FREM2: variants seen among roughly 807,000 people sequenced by gnomAD.
The protein encoded by FREM2 is FRAS1-related extracellular matrix protein 2.
FREM2 carries 119 observed loss-of-function variants against 219.9 expected under a neutral mutation model. The ratio of observed to expected loss-of-function variants is 0.54; its 90% CI spans 0.47 to 0.63. The LOEUF (loss-of-function observed/expected upper bound fraction) is 0.63, where lower values mean the gene tolerates loss of function less well. FREM2 is among the 30% of genes least tolerant of loss of function. The pLI, the probability that FREM2 is intolerant of heterozygous loss-of-function variation, is 0.00. For synonymous variants in FREM2, 1,562 were observed against 1,522.8 expected, an observed-to-expected ratio of 1.03 and a Z score of -0.60; for missense variants, 4,030 against 3,993.6, an observed-to-expected ratio of 1.01 and a Z score of -0.25.
intron 16 of FREM2, among the ~76,000 whole-genome samples, chr13:38,866,623 C>T (rs988797636): frequency 4.7e-5 from 7 of 150,280 alleles, no homozygotes; most frequent in African/African-American, 1.7e-4. Flanking sequence ...GCCGAGATCG[C>T]GCCATTGCAC....
At chr13:38,770,804 A>G (rs1873631241) in intron 4 of FREM2, among the ~76,000 whole-genome samples, 1 of 151,930 alleles carries the variant, frequency 6.6e-6, no homozygotes, top group South Asian at 2.1e-4. Context: ...TGACCTTTTT[A>G]TTCCCCGTCA....
intron 2 of FREM2, among the ~76,000 whole-genome samples, chr13:38,707,354 A>G (rs1047884156): frequency 1.3e-5 from 2 of 152,246 alleles, no homozygotes; most frequent in Non-Finnish European, 2.9e-5. Flanking sequence ...GAATAAAATT[A>G]TATAGCTATA....
Position 38,851,816 on chromosome 13 carries a change from C to T in FREM2, c.6873C>T (p.His2291=). 6.2e-7 allele frequency: 1 copy of T among 1,613,986 alleles called. No individual in the cohort carries two copies. The highest frequency in any genetic ancestry group is 8.5e-7 in the Non-Finnish European group (1 of 1,179,928). Residue 2291 remains histidine (H), a synonymous_variant, in exon 11 of 24, where the codon CAC becomes CAT. Coordinates refer to ENST00000280481, the MANE Select transcript of FREM2 (RefSeq NM_207361.6). ...CAAAGGTTTCCATTGTGAGAGTCCACACCAAGGATGGCTCGGCCACCTCTG... is the reference window on the plus strand; with the variant it reads ...CAAAGGTTTCCATTGTGAGAGTCCATACCAAGGATGGCTCGGCCACCTCTG... The part of the protein sequence containing the change: ...DTSKVSIVRV[H]TKDGSATSGE...
chr13:38,808,884 T>TA (rs1354757575), intron 6 of FREM2, among the ~76,000 whole-genome samples: 1 of 151,764 alleles, frequency 6.6e-6, no homozygotes, highest in East Asian at 2.0e-4. Flanking sequence ...ATGTTAAAAA[T>TA]AAAAACCCAA....
chr13:38,732,541 C>T (rs530045328), intron 2 of FREM2, among the ~76,000 whole-genome samples: 2 of 152,274 alleles, frequency 1.3e-5, no homozygotes, highest in South Asian at 4.1e-4. Context: ...GATTCAAAAT[C>T]AGCAAGATGT....
chr13:38,817,047 G>T (rs1875794824), intron 6 of FREM2, among the ~76,000 whole-genome samples: 1 of 152,006 alleles, frequency 6.6e-6, no homozygotes, highest in Non-Finnish European at 1.5e-5. Context: ...ATAAAACTTT[G>T]ATGAAAGAAA....
chr13:38,739,789 G>C (rs1593376833), intron 2 of FREM2, among the ~76,000 whole-genome samples: 1 of 152,134 alleles, frequency 6.6e-6, no homozygotes, highest in Middle Eastern at 3.2e-3. Context: ...GTATTGTTTG[G>C]TTATATAGTG....
intron 6 of FREM2, among the ~76,000 whole-genome samples, chr13:38,810,142 G>A (rs1213838834): frequency 6.6e-6 from 1 of 151,822 alleles, no homozygotes; most frequent in African/African-American, 2.4e-5. Context: ...TTGACATATA[G>A]GAATGCTATT....
At chr13:38,711,656 T>G (rs2138095619) in intron 2 of FREM2, among the ~76,000 whole-genome samples, 1 of 152,314 alleles carries the variant, frequency 6.6e-6, no homozygotes, top group East Asian at 1.9e-4. Flanking sequence ...TTTGATCATA[T>G]CATAAGTGTA....
rs553605556 is a variant in FREM2 at position 38,687,525 on chromosome 13, G to T, written c.181G>T (p.Ala61Ser). 1 of 1,598,712 alleles carries T rather than the reference G, an allele frequency of 6.3e-7. No individual in the cohort carries two copies. The highest frequency in any genetic ancestry group is 1.7e-5 in the Admixed American group (1 of 57,932). The stretch of plus-strand genomic sequence containing the variant: ...CAGGGCGTTGCTGTCCCCTGGTCTC[G>T]CGGGGGCTGCAGGGGTCCCTGCTGA... ...FGRALLSPGLAGAAGVPAEEA... is the reference protein window; with the variant it reads ...FGRALLSPGLSGAAGVPAEEA... The change falls in exon 1 of 24, where the codon GCG (alanine) becomes TCG (serine). Residue 61 changes from alanine (A) to serine (S), a missense_variant. Ala to Ser is a moderately conservative substitution (Grantham distance 99, BLOSUM62 1). This residue lies in a region of FREM2 where 3,102 missense variants were observed against 2,950.7 expected (regional missense o/e 1.05). Transcript: ENST00000280481.
chr13:38,821,991 A>C (rs1219992165), intron 6 of FREM2: 1 of 152,140 alleles, frequency 6.6e-6, no homozygotes, highest in African/African-American at 2.4e-5. Context: ...TGATGCTCAG[A>C]GTCACGTGTC....
chr13:38,859,427 A>G lies in FREM2; in HGVS notation c.7356A>G (p.Glu2452=), dbSNP rs1191746320. The change falls in exon 14 of 24, where the codon GAA becomes GAG. Residue 2452 remains glutamate, a synonymous_variant. Coordinates refer to ENST00000280481, the MANE Select transcript of FREM2 (RefSeq NM_207361.6). ...ACGGTGTGACCAGCCCTATGAGAGA[A>G]GTGGACTTCGACACCTTTTTTACGT... ...GPDGVTSPMR[E]VDFDTFFTSS... is the part of the protein sequence containing the mutation. 1 of 1,614,118 alleles carries G rather than the reference A, an allele frequency of 6.2e-7. No individual in the cohort carries two copies. Among genetic ancestry groups the G allele is most frequent in the Non-Finnish European group, 8.5e-7 (1 of 1,180,024 alleles).
Position 38,689,361 on chromosome 13 carries a change from A to G in FREM2, c.2017A>G (p.Arg673Gly), listed in dbSNP as rs1429348771. 3 of 1,613,994 alleles carry G rather than the reference A, an allele frequency of 1.9e-6. No individual in the cohort carries two copies. The highest frequency in any genetic ancestry group is 2.5e-6 in the Non-Finnish European group (3 of 1,180,018). Reference sequence around the variant, plus strand: ...GCCAGTCACAGACCAGTTCACATTTAGAGTCCAGGATAACCATGACCCTCC... The same window carrying G: ...GCCAGTCACAGACCAGTTCACATTTGGAGTCCAGGATAACCATGACCCTCC... The part of the protein sequence containing the change: ...PGPVTDQFTF[R>G]VQDNHDPPNQ... The change falls in exon 1 of 24, where the codon AGA becomes GGA. Residue 673 changes from arginine (R) to glycine (G), a missense_variant. Physicochemically the swap from Arg to Gly is moderately radical, Grantham distance 125 (BLOSUM62 -2). This residue lies in a region of FREM2 where 3,102 missense variants were observed against 2,950.7 expected (regional missense o/e 1.05). Coordinates refer to ENST00000280481, the MANE Select transcript of FREM2 (RefSeq NM_207361.6).
At chr13:38,814,036 T>G (rs1232265883) in intron 6 of FREM2, among the ~76,000 whole-genome samples, 1 of 152,134 alleles carries the variant, frequency 6.6e-6, no homozygotes, top group Non-Finnish European at 1.5e-5. Flanking sequence ...TAATTTCTGT[T>G]TGATTCTTTT....
intron 2 of FREM2, among the ~76,000 whole-genome samples, chr13:38,753,630 C>G (rs1593385873): frequency 6.6e-6 from 1 of 152,206 alleles, no homozygotes; most frequent in African/African-American, 2.4e-5. Flanking sequence ...GTTAAAATGA[C>G]AAAATTAGCT....
At chr13:38,747,127 A>G (rs1872516292) in intron 2 of FREM2, among the ~76,000 whole-genome samples, 1 of 152,132 alleles carries the variant, frequency 6.6e-6, no homozygotes, top group Admixed American at 6.5e-5. Flanking sequence ...CACCATATTG[A>G]GAAAAGGGAG....
rs71917471 is a variant in FREM2 at position 38,747,395 on chromosome 13, ATGTGTGTGTG to A, written c.5264-16885_5264-16876del. Among the ~76,000 whole-genome samples, 170 of 142,990 alleles carry A rather than the reference ATGTGTGTGTG, an allele frequency of 1.2e-3. 1 individual carries two copies. Among genetic ancestry groups the A allele is most frequent in the African/African-American group, 4.1e-3 (155 of 38,010 alleles). 93.8% of individuals were successfully genotyped at this position (142,990 alleles called of 152,430 possible). ...CTTGAGGGCATAAAGCTGATATAAT[ATGTGTGTGTG>A]TGTGTGTGTGTGTGTGTGTGTGTAT... On this transcript the variant is annotated intron_variant, in intron 2 of 23. Transcript: ENST00000280481.
intron 6 of FREM2, among the ~76,000 whole-genome samples, chr13:38,828,253 C>T (rs1876368941): frequency 6.6e-6 from 1 of 151,918 alleles, no homozygotes; most frequent in Admixed American, 6.6e-5. Context: ...TAGTTTGTAC[C>T]TCAAAGGTTG....
intron 2 of FREM2, among the ~76,000 whole-genome samples, chr13:38,758,145 A>G (rs1300291983): frequency 2.0e-5 from 3 of 152,212 alleles, no homozygotes; most frequent in African/African-American, 7.2e-5. Flanking sequence ...GGTGGGCTGC[A>G]GATGTATCTT....
Sources: allele counts gnomAD v4.1 joint callset (sites outside exome capture counted in the v4.1 genomes callset), GRCh38; gene constraint gnomAD v4.1.1; regional missense constraint gnomAD v4.1.1; transcripts MANE v1.5; gene names NCBI Gene and HGNC (gene_info 2026-07-23, HGNC 2026-07-21).